The following ZNF705A variants were observed in gnomAD, a reference collection of about 807,000 sequenced individuals.
ZNF705A encodes the protein zinc finger protein 705A.
In ZNF705A, 8 loss-of-function variants were observed where a neutral mutation model predicts 16.6. That is an observed-to-expected ratio of 0.48 (90% CI 0.28 to 0.87). ZNF705A has a LOEUF of 0.87. Ranked by LOEUF, ZNF705A falls within the 40% of genes least tolerant of loss-of-function variation. The pLI, the probability that ZNF705A is intolerant of heterozygous loss-of-function variation, is 0.10. For missense variants in ZNF705A, 233 were observed against 359.9 expected, an observed-to-expected ratio of 0.65 and a Z score of 2.85; for synonymous variants, 73 against 117.3, an observed-to-expected ratio of 0.62 and a Z score of 2.44.
At chr12:8,178,954 T>A (rs1267706393) in exon 5 of ZNF705A, 1 of 152,206 alleles carries the variant, frequency 6.6e-6, no homozygotes, top group African/African-American at 2.4e-5. Context: ...CTTGTTTCCA[T>A]CCAACCCTCG....
At chr12:8,159,243 A>T (rs150575168) in intron 1 of ZNF705A, among the ~76,000 whole-genome samples, 1 of 152,080 alleles carries the variant, frequency 6.6e-6, no homozygotes. Flanking sequence ...TGGTTCCATG[A>T]CTTTGCAATT....
exon 5 of ZNF705A, chr12:8,177,239 C>G: frequency 6.2e-7 from 1 of 1,611,562 alleles, no homozygotes; most frequent in Non-Finnish European, 8.5e-7. Context: ...TTGCTTTCGC[C>G]TTAGACGGCA....
chr12:8,169,985 TTCCAGACCAGCCCTACCAAAATGGAGA>T (rs1484467823), upstream of ZNF705A, among the ~76,000 whole-genome samples: 1 of 151,406 alleles, frequency 6.6e-6, no homozygotes, highest in Admixed American at 6.6e-5. Context: ...AGGTCAGGAG[TTCCAGACCAGCCCTACCAAAATGGAGA>T]AACCCCGTCT....
chr12:8,173,364 G>A (rs1948460262), intron 1 of ZNF705A, among the ~76,000 whole-genome samples: 1 of 152,146 alleles, frequency 6.6e-6, no homozygotes, highest in Non-Finnish European at 1.5e-5. Context: ...TCAGAAGAAG[G>A]AATATAGTAG....
At chr12:8,162,757 G>A (rs143190424) in intron 1 of ZNF705A, among the ~76,000 whole-genome samples, 135 of 152,270 alleles carry the variant, frequency 8.9e-4, no homozygotes, top group African/African-American at 2.4e-3. Context: ...AGCCCATCAC[G>A]TGAGAGATAC....
At chr12:8,161,793 G>C (rs1259389667) in intron 1 of ZNF705A, among the ~76,000 whole-genome samples, 47 of 152,128 alleles carry the variant, frequency 3.1e-4, no homozygotes, top group Non-Finnish European at 4.4e-5. Flanking sequence ...AAGCACGGAG[G>C]CCGCCGGCAA....
At chr12:8,174,777 C>T (rs770223005) in intron 2 of ZNF705A, among the ~76,000 whole-genome samples, 27 of 152,286 alleles carry the variant, frequency 1.8e-4, no homozygotes. Flanking sequence ...TTCTAAATAA[C>T]TCTTCTGCTT....
intron 4 of ZNF705A, 139 bp downstream of exon 5, chr12:8,176,081 G>C: frequency 7.7e-7 from 1 of 1,300,126 alleles, no homozygotes; most frequent in South Asian, 1.3e-5. Flanking sequence ...TGAATACTTT[G>C]AATTTAGTGA....
In ZNF705A at chr12:8,176,380, A is replaced by T. The variant is rs749873809; in HGVS notation, c.318+438A>T. ...ACAGGTGTATGCCTTTCTCCAAAGA[A>T]GATTTTGAAGGCTCCAAATTTAAAG... On this transcript the variant is annotated intron_variant, in intron 4 of 4. Transcript: ENST00000359286. Among the ~76,000 whole-genome samples, 591 of 152,336 alleles carry T rather than the reference A, an allele frequency of 3.9e-3. 2 individuals are homozygous for T. The highest frequency in any genetic ancestry group is 0.012 in the African/African-American group (484 of 41,572).
chr12:8,167,623 T>C (rs1948410451), upstream of ZNF705A, among the ~76,000 whole-genome samples: 1 of 152,182 alleles, frequency 6.6e-6, no homozygotes, highest in Admixed American at 6.5e-5. Context: ...TCCTCCCACT[T>C]TTTATTTCTG....
intron 1 of ZNF705A, among the ~76,000 whole-genome samples, chr12:8,165,843 G>A (rs112518068): frequency 6.6e-6 from 1 of 152,020 alleles, no homozygotes; most frequent in African/African-American, 2.4e-5. Flanking sequence ...TGGTGCAAAG[G>A]ACATAATTTT....
intron 1 of ZNF705A, among the ~76,000 whole-genome samples, chr12:8,165,277 C>CT (rs1565413981): frequency 2.4e-4 from 30 of 124,704 alleles, no homozygotes; most frequent in African/African-American, 1.0e-3. Flanking sequence ...GATCTTTGCC[C>CT]ATTTTTTTTT....
intron 1 of ZNF705A, among the ~76,000 whole-genome samples, chr12:8,164,925 T>C (rs1565413901): frequency 6.6e-6 from 1 of 152,238 alleles, no homozygotes; most frequent in Non-Finnish European, 1.5e-5. Context: ...TCTTCCACAA[T>C]AGTTGAACTA....
chr12:8,177,280 T>C (rs760658509), exon 5 of ZNF705A: 25 of 1,611,896 alleles, frequency 1.6e-5, no homozygotes, highest in Admixed American at 6.7e-5. Flanking sequence ...AGAGGCCATA[T>C]GCATGTCATC....
chr12:8,172,033 G>A (rs1012106108), upstream of ZNF705A, among the ~76,000 whole-genome samples: 2 of 152,142 alleles, frequency 1.3e-5, no homozygotes, highest in Admixed American at 1.3e-4. Context: ...CGCCACACTC[G>A]ACCCTAAAAC....
chr12:8,174,311 T>C lies in ZNF705A; in HGVS notation c.13-15T>C, dbSNP rs1171765497. The C allele has an allele frequency of 6.3e-7, 1 of 1,593,920 alleles. No individual in the cohort carries two copies. Among genetic ancestry groups the C allele is most frequent in the African/African-American group, 1.3e-5 (1 of 74,750 alleles). On this transcript the variant is annotated splice_polypyrimidine_tract_variant and intron_variant, in intron 1 of 4. Coordinates refer to ENST00000359286, the Ensembl canonical transcript of ZNF705A. ...GGATTTCTCTGTCTAAACTAAAATG[T>C]CTGTGATGTTTTAGAAGAAAGTGAC...
At chr12:8,170,206 AAG>A (rs1948435152), upstream of ZNF705A, among the ~76,000 whole-genome samples, 4 of 146,974 alleles carry the variant, frequency 2.7e-5, no homozygotes, top group Admixed American at 6.7e-5. Context: ...CAAAAAAAAA[AAG>A]GAGAGAGAGA....
intron 2 of ZNF705A, 77 bp from the exon 4 acceptor site, chr12:8,175,151 T>G: frequency 1.4e-6 from 1 of 726,318 alleles, no homozygotes; most frequent in Non-Finnish European, 2.3e-6. Flanking sequence ...TCTTCCTTGA[T>G]AGCCTGCCTT....
At chr12:8,171,549 C>A (rs1245309708), upstream of ZNF705A, among the ~76,000 whole-genome samples, 1 of 152,134 alleles carries the variant, frequency 6.6e-6, no homozygotes, top group Admixed American at 6.5e-5. Flanking sequence ...AAATTTCTCC[C>A]ACCCCTACGT....
Sources: allele counts gnomAD v4.1 joint callset (sites outside exome capture counted in the v4.1 genomes callset), GRCh38; gene constraint gnomAD v4.1.1; transcripts MANE v1.5; gene names NCBI Gene and HGNC (gene_info 2026-07-23, HGNC 2026-07-21).